Variants in CIT observed in about 807,000 individuals in gnomAD.
The protein encoded by CIT is citron Rho-interacting kinase.
In CIT, 79 loss-of-function variants were observed where a neutral mutation model predicts 272.7. The observed-to-expected ratio is 0.29, with a 90% CI of 0.24 to 0.35. The LOEUF (loss-of-function observed/expected upper bound fraction) is 0.35, where lower values mean the gene tolerates loss of function less well. CIT is among the 10% of genes least tolerant of loss of function. The pLI, the probability that CIT is intolerant of heterozygous loss-of-function variation, is 1.00. For missense variants in CIT, 1,909 were observed against 2,618.3 expected (o/e 0.73, Z 5.91); for synonymous variants, 948 against 995.6 (o/e 0.95, Z 0.90).
At chr12:119,821,797 T>C (rs1206990918) in intron 9 of CIT, among the ~76,000 whole-genome samples, 1 of 152,176 alleles carries the variant, frequency 6.6e-6, no homozygotes, top group East Asian at 1.9e-4. Context: ...GGGGGAGATG[T>C]CTATTTATTT....
At chr12:119,771,747 A>AG (rs1409387547) in intron 17 of CIT, among the ~76,000 whole-genome samples, 1 of 152,190 alleles carries the variant, frequency 6.6e-6, no homozygotes, top group Non-Finnish European at 1.5e-5. Context: ...CCAAGAGGAA[A>AG]GGGCTTGGAC....
intron 2 of CIT, among the ~76,000 whole-genome samples, chr12:119,872,583 C>G (rs1950713396): frequency 6.6e-6 from 1 of 152,146 alleles, no homozygotes; most frequent in African/African-American, 2.4e-5. Context: ...TGAGGGTTTA[C>G]CCATAAGTCT....
At chr12:119,714,408 C>A in intron 32 of CIT, 74 bp from the exon 33 acceptor site, 5 of 1,512,412 alleles carry the variant, frequency 3.3e-6, no homozygotes, top group South Asian at 2.4e-5. Flanking sequence ...AGACAACCCA[C>A]AGAAAGGGAA....
intron 9 of CIT, among the ~76,000 whole-genome samples, chr12:119,807,617 T>C (rs1159381955): frequency 1.3e-5 from 2 of 152,084 alleles, no homozygotes; most frequent in African/African-American, 4.8e-5. Flanking sequence ...TAAGCAAATA[T>C]ATAATTAAAT....
rs1950207379 is a variant in CIT at position 119,857,541 on chromosome 12, A to T, written c.396T>A (p.Ala132=). ...IYAMKVMKKK[A]LLAQEQVSFF... is the part of the protein sequence containing the mutation. ...CTCCTACCTGCTCCTGGGCCAATAA[A>T]GCCTTCTTCTTCATCACTTTCATAG... Residue 132 remains alanine, a synonymous_variant, in exon 4 of 48, where the codon GCT becomes GCA. Transcript: ENST00000392521. 6.2e-7 allele frequency: 1 copy of T among 1,614,128 alleles called. No homozygotes were observed.
At chr12:119,836,663 CCA>C (rs1969041981) in intron 5 of CIT, among the ~76,000 whole-genome samples, 1 of 152,136 alleles carries the variant, frequency 6.6e-6, no homozygotes, top group African/African-American at 2.4e-5. Context: ...TGACGACACG[CCA>C]CAGTTATAAA....
intron 44 of CIT, 24 bp from the exon 45 acceptor site, chr12:119,698,078 A>G: frequency 6.2e-7 from 1 of 1,601,842 alleles, no homozygotes; most frequent in Non-Finnish European, 8.6e-7. Context: ...ATGCAGGCAC[A>G]GTGTGGGCCA....
At chr12:119,745,186 T>A (rs1593565421) in intron 23 of CIT, among the ~76,000 whole-genome samples, 3 of 136,692 alleles carry the variant, frequency 2.2e-5, no homozygotes, top group East Asian at 2.1e-4. Context: ...ACTGTTTAAG[T>A]CCAATAATAA....
Position 119,718,577 on chromosome 12 carries a change from G to C in CIT, c.4003+122C>G. 1.4e-6 allele frequency: 2 copies of C among 1,422,682 alleles called. No individual in the cohort carries two copies. The highest frequency in any genetic ancestry group is 1.9e-6 in the Non-Finnish European group (2 of 1,036,786). The allele number at this position is 1,422,682 out of a possible 1,614,324, so 88.1% of individuals were successfully genotyped here. ...TACGTTTTTCAGACATGGGATGTCT[G>C]GTCTGAAAGCGTATGGGCCATAAAC... On this transcript the variant is annotated intron_variant, in intron 31 of 47. Transcript: ENST00000392521. This position sits in a 1 kb window ranked among gnomAD's most constrained non-coding sequence, Gnocchi z 4.8.
intron 26 of CIT, among the ~76,000 whole-genome samples, chr12:119,731,301 C>T (rs550843066): frequency 3.3e-5 from 5 of 151,692 alleles, no homozygotes; most frequent in Admixed American, 3.3e-4. Context: ...ATGGTGAAAC[C>T]CCGTCTCTAC....
intron 5 of CIT, among the ~76,000 whole-genome samples, chr12:119,836,452 C>T (rs1200346354): frequency 6.6e-6 from 1 of 152,088 alleles, no homozygotes; most frequent in Admixed American, 6.6e-5. Flanking sequence ...CTGTAGCTCA[C>T]CCACTCATCC....
At chr12:119,798,663 G>A (rs1301872484) in intron 10 of CIT, among the ~76,000 whole-genome samples, 1 of 152,144 alleles carries the variant, frequency 6.6e-6, no homozygotes, top group Non-Finnish European at 1.5e-5. Context: ...CCATTAGTAT[G>A]CTTATAAGCC....
At chr12:119,812,367 C>A (rs1966856027) in intron 9 of CIT, among the ~76,000 whole-genome samples, 1 of 152,178 alleles carries the variant, frequency 6.6e-6, no homozygotes, top group South Asian at 2.1e-4. Flanking sequence ...CCCAATAACA[C>A]ATCAGACTAG....
intron 10 of CIT, among the ~76,000 whole-genome samples, chr12:119,791,586 C>A (rs1207374350): frequency 6.6e-6 from 1 of 152,208 alleles, no homozygotes; most frequent in African/African-American, 2.4e-5. Context: ...CGTTGCTTGC[C>A]TACTCCTGGC....
chr12:119,698,075 C>A, intron 44 of CIT, 21 bp from the exon 45 acceptor site: 1 of 1,607,064 alleles, frequency 6.2e-7, no homozygotes, highest in East Asian at 2.2e-5. Flanking sequence ...ACCATGCAGG[C>A]ACAGTGTGGG....
rs777138515 is a variant in CIT, at chr12:119,704,446, C to G, written c.5221G>C (p.Gly1741Arg). 51 of 1,613,748 alleles carry G rather than the reference C, an allele frequency of 3.2e-5. No homozygotes were observed. Among genetic ancestry groups the G allele is most frequent in the Non-Finnish European group, 3.2e-5 (38 of 1,179,836 alleles). The change falls in exon 41 of 48, where the codon GGG becomes CGG. Residue 1741 changes from glycine (G) to arginine (R), a missense_variant. By Grantham distance (125) the Gly-to-Arg change is moderately radical. Coordinates refer to ENST00000392521, the MANE Select transcript of CIT (RefSeq NM_001206999.2). ...GGCATGGCTGCACAGATGCAGAGCC[C>G]GTTCTCAATCTGAAAAGCAACCAAG... ...HLFGAGKIEN[G>R]LCICAAMPSK...
chr12:119,829,567 T>C (rs775799660), intron 7 of CIT, among the ~76,000 whole-genome samples: 12 of 152,184 alleles, frequency 7.9e-5, no homozygotes, highest in Non-Finnish European at 1.3e-4. Flanking sequence ...GGGCTATCTC[T>C]TGTGGGGTTG....
intron 10 of CIT, among the ~76,000 whole-genome samples, chr12:119,798,196 T>A (rs561144469): frequency 6.6e-6 from 1 of 152,014 alleles, no homozygotes; most frequent in South Asian, 2.1e-4. Flanking sequence ...AGACTGAAAA[T>A]GAATCCCAGC....
intron 28 of CIT, among the ~76,000 whole-genome samples, chr12:119,723,382 T>C (rs564399271): frequency 2.1e-5 from 3 of 139,902 alleles, no homozygotes; most frequent in Admixed American, 1.5e-4. Context: ...AATAGGCTGG[T>C]TATTCCCTAT....
Sources: gnomAD v4.1 joint callset for allele counts (sites outside exome capture counted in the v4.1 genomes callset) on GRCh38, gnomAD v4.1.1 for gene constraint, Gnocchi (gnomAD v3.1) non-coding constraint, MANE v1.5 for transcripts, NCBI Gene and HGNC (gene_info 2026-07-23, HGNC 2026-07-21) for gene names.